The following DNAJB6 variants were observed in gnomAD, a reference collection of about 807,000 sequenced individuals.
DNAJB6 encodes the protein DnaJ heat shock protein family (Hsp40) member B6.
A neutral mutation model predicts 42.7 loss-of-function variants in DNAJB6; 16 were observed. The observed-to-expected ratio is 0.37, with a 90% CI of 0.25 to 0.57. The LOEUF (loss-of-function observed/expected upper bound fraction) is 0.57. Ranked by LOEUF, DNAJB6 falls within the 20% of genes least tolerant of loss-of-function variation. The pLI is 0.74. For missense variants in DNAJB6, 347 were observed against 416.8 expected, an observed-to-expected ratio of 0.83 and a Z score of 1.46; for synonymous variants, 170 against 163.5, an observed-to-expected ratio of 1.04 and a Z score of -0.30.
chr7:157,399,578 C>A (rs531647268), intron 8 of DNAJB6, among the ~76,000 whole-genome samples: 1 of 152,224 alleles, frequency 6.6e-6, no homozygotes, highest in African/African-American at 2.4e-5. Flanking sequence ...TGGAGTGGGC[C>A]GTGCCCTCTA....
chr7:157,383,529 T>C (rs1160643326), intron 6 of DNAJB6, among the ~76,000 whole-genome samples: 2 of 152,184 alleles, frequency 1.3e-5, no homozygotes, highest in Non-Finnish European at 2.9e-5. Context: ...TGGAATATGC[T>C]GACCACAGGT....
chr7:157,342,961 TCCTA>T (rs1798486826), intron 1 of DNAJB6, among the ~76,000 whole-genome samples: 1 of 148,170 alleles, frequency 6.7e-6, no homozygotes, highest in Non-Finnish European at 1.5e-5. Flanking sequence ...TTTTTTTTTT[TCCTA>T]CCTGTCTGTA....
intron 1 of DNAJB6, among the ~76,000 whole-genome samples, chr7:157,347,562 C>T (rs1338086749): frequency 6.6e-6 from 1 of 152,128 alleles, no homozygotes; most frequent in Non-Finnish European, 1.5e-5. Flanking sequence ...TCCTTTGAGC[C>T]CCCGTTTCCT....
Position 157,360,540 on chromosome 7 carries a change from G to C in DNAJB6, c.65+1903G>C, listed in dbSNP as rs142087187. ...GAGTAGATTGGTTTTAGTTGTTTCTGAGAACATACAGGTTGCTGAGTGTCT... is the reference window on the plus strand; with the variant it reads ...GAGTAGATTGGTTTTAGTTGTTTCTCAGAACATACAGGTTGCTGAGTGTCT... On this transcript the variant is annotated intron_variant, in intron 2 of 9. Transcript: ENST00000262177. 2.0e-3 allele frequency among the ~76,000 whole-genome samples: 301 copies of C among 152,310 alleles called. 4 individuals are homozygous for C. Among genetic ancestry groups the C allele is most frequent in the Non-Finnish European group, 8.1e-4 (55 of 68,028 alleles).
intron 8 of DNAJB6, among the ~76,000 whole-genome samples, chr7:157,388,705 T>C (rs896447978): frequency 3.9e-5 from 6 of 152,164 alleles, no homozygotes; most frequent in African/African-American, 1.4e-4. Context: ...ATGTTAGTGC[T>C]GCTGTCACCC....
chr7:157,413,154 ACCACCGGGAAC>A (rs1269423451), intron 9 of DNAJB6: 4 of 151,722 alleles, frequency 2.6e-5, no homozygotes, highest in African/African-American at 9.7e-5. Flanking sequence ...GGACAGAGGC[ACCACCGGGAAC>A]CCACCGGATC....
intron 9 of DNAJB6, chr7:157,414,264 A>ACC (rs916893061): frequency 6.6e-6 from 1 of 151,012 alleles, no homozygotes; most frequent in Non-Finnish European, 1.5e-5. Flanking sequence ...GGCGGTGCTG[A>ACC]CCCCCCCACC....
chr7:157,395,147 T>C (rs538028972), intron 8 of DNAJB6, among the ~76,000 whole-genome samples: 1 of 152,062 alleles, frequency 6.6e-6, no homozygotes, highest in Non-Finnish European at 1.5e-5. Flanking sequence ...GTTAGCTGTT[T>C]GTCTTCCCCA....
chr7:157,372,759 C>T (rs1800279625), intron 5 of DNAJB6, among the ~76,000 whole-genome samples: 1 of 152,302 alleles, frequency 6.6e-6, no homozygotes, highest in Non-Finnish European at 1.5e-5. Flanking sequence ...AATGTACCAT[C>T]TCCCAGTCCT....
At chr7:157,397,869 G>A (rs1801670822) in intron 8 of DNAJB6, among the ~76,000 whole-genome samples, 1 of 152,018 alleles carries the variant, frequency 6.6e-6, no homozygotes. Context: ...CTGTTCAGGA[G>A]TCTGGGCGTG....
intron 1 of DNAJB6, 126 bp from the exon 2 acceptor site, chr7:157,358,421 G>T: frequency 1.6e-6 from 1 of 624,610 alleles, no homozygotes. Flanking sequence ...TCTAGTGGAA[G>T]TTCCCTCTGT....
At chr7:157,383,956 T>C (rs1447080613) in intron 6 of DNAJB6, among the ~76,000 whole-genome samples, 3 of 152,212 alleles carry the variant, frequency 2.0e-5, no homozygotes, top group African/African-American at 7.2e-5. Flanking sequence ...TGCTTTTTAG[T>C]GAAATCATTA....
At chr7:157,369,489 T>C (rs1800009197) in intron 5 of DNAJB6, 2 of 449,630 alleles carry the variant, frequency 4.4e-6, no homozygotes, top group Admixed American at 4.8e-5. Flanking sequence ...AAACGGGCTG[T>C]CCTCGTGATG....
chr7:157,387,697 A>G (rs1027704182), intron 8 of DNAJB6, among the ~76,000 whole-genome samples: 1 of 152,216 alleles, frequency 6.6e-6, no homozygotes. Flanking sequence ...GGAGTGTTTC[A>G]TGCAACTCTA....
intron 8 of DNAJB6, among the ~76,000 whole-genome samples, chr7:157,407,869 G>A (rs1795828792): frequency 6.6e-6 from 1 of 152,186 alleles, no homozygotes; most frequent in South Asian, 2.1e-4. Context: ...CCCTGTCCCA[G>A]AGCCCTCCTC....
chr7:157,338,549 G>A (rs1798170351), intron 1 of DNAJB6, among the ~76,000 whole-genome samples: 1 of 152,164 alleles, frequency 6.6e-6, no homozygotes, highest in Non-Finnish European at 1.5e-5. Context: ...TGGTCAGGCT[G>A]GTCTCGAACT....
chr7:157,400,770 G>A (rs933276125), intron 8 of DNAJB6, among the ~76,000 whole-genome samples: 5 of 152,158 alleles, frequency 3.3e-5, no homozygotes, highest in Non-Finnish European at 7.3e-5. Context: ...GTGGGTGGGC[G>A]AGACGTGAGT....
chr7:157,352,011 A>G (rs990228506), intron 1 of DNAJB6, among the ~76,000 whole-genome samples: 1 of 152,092 alleles, frequency 6.6e-6, no homozygotes, highest in Admixed American at 6.6e-5. Flanking sequence ...ACAAACAAAC[A>G]AACAAACAAA....
chr7:157,339,971 G>A (rs1798273780), intron 1 of DNAJB6: 1 of 152,202 alleles, frequency 6.6e-6, no homozygotes, highest in Non-Finnish European at 1.5e-5. Flanking sequence ...AACTTGGGCA[G>A]GTATTTTTAG....
Sources: allele counts gnomAD v4.1 joint callset (sites outside exome capture counted in the v4.1 genomes callset), GRCh38; gene constraint gnomAD v4.1.1; transcripts MANE v1.5; gene names NCBI Gene and HGNC (gene_info 2026-07-23, HGNC 2026-07-21).